Variants in EIF5B observed in about 807,000 individuals in gnomAD.
EIF5B encodes eukaryotic translation initiation factor 5B.
Under a neutral mutation model 147.5 loss-of-function variants are expected in EIF5B, and 47 were observed. The observed-to-expected ratio is 0.32, with a 90% CI of 0.25 to 0.41. EIF5B has a LOEUF of 0.41. Among genes scored for constraint, EIF5B ranks in the 10% least tolerant of loss-of-function variants. The pLI, the probability that EIF5B is intolerant of heterozygous loss-of-function variation, is 1.00. For synonymous variants in EIF5B, 455 were observed against 456.2 expected (o/e 1.00, Z 0.03); for missense variants, 1,064 against 1,413.2 (o/e 0.75, Z 3.96).
chr2:99,385,187 C>G (rs1465388240), intron 14 of EIF5B, among the ~76,000 whole-genome samples: 1 of 152,180 alleles, frequency 6.6e-6, no homozygotes, highest in Non-Finnish European at 1.5e-5. Context: ...GCTGGGATTA[C>G]AGGCATGCGC....
intron 18 of EIF5B, among the ~76,000 whole-genome samples, chr2:99,393,381 C>G (rs1045530090): frequency 1.1e-4 from 16 of 152,074 alleles, no homozygotes; most frequent in Non-Finnish European, 1.8e-4. Context: ...GAATGCACAC[C>G]TGTAGTCCCA....
At position 99,361,315 on chromosome 2, in the gene EIF5B, T is replaced by C. The variant is rs559211004; in HGVS notation, c.414T>C (p.Asp138=). The C allele has an allele frequency of 1.9e-6, 3 of 1,608,302 alleles. No homozygotes were observed. Among genetic ancestry groups the C allele is most frequent in the Non-Finnish European group, 2.5e-6 (3 of 1,178,646 alleles). ...AAGTGGAAATGTACTCTGGGAGTGATGATGATGATGATTTTAACAAACTTC... is the reference window on the plus strand; with the variant it reads ...AAGTGGAAATGTACTCTGGGAGTGACGATGATGATGATTTTAACAAACTTC... ...KPKVEMYSGS[D]DDDDFNKLPK... is the part of the protein sequence containing the mutation. The change falls in exon 4 of 24, where the codon GAT becomes GAC. Residue 138 remains aspartate (D), a synonymous_variant. Coordinates refer to ENST00000289371, the MANE Select transcript of EIF5B (RefSeq NM_015904.4).
rs760758125 is a variant in EIF5B, at chr2:99,394,442, G to A, written c.3012+44G>A. 16 of 1,613,064 alleles carry A rather than the reference G, an allele frequency of 9.9e-6. No individual in the cohort carries two copies. The Middle Eastern group carries it at 6.6e-4, about 66-fold the overall frequency. On this transcript the variant is annotated intron_variant, in intron 19 of 23. Transcript: ENST00000289371. ...CTCCACAAGTGAATGGTGGTTGGTC[G>A]TGGTTTTTGGTGCCATCGCCATTAC...
intron 8 of EIF5B, among the ~76,000 whole-genome samples, chr2:99,370,676 A>G (rs1396869105): frequency 1.3e-5 from 2 of 152,222 alleles, no homozygotes; most frequent in African/African-American, 4.8e-5. Context: ...TTGTTAGTAA[A>G]TAATGATTAT....
rs745533484 is a variant in EIF5B at position 99,382,163 on chromosome 2, A to G, written c.2066A>G (p.Asp689Gly). ...NEQTKMIKNFDRENVRIPGML... is the reference protein window; with the variant it reads ...NEQTKMIKNFGRENVRIPGML... The stretch of plus-strand genomic sequence containing the variant: ...ACTTTTCCCCATTGTTTCTAGTTTG[A>G]TAGAGAGAATGTACGGATTCCAGGA... Residue 689 changes from aspartate to glycine, a missense_variant, in exon 13 of 24, where the codon GAT becomes GGT. Around this residue, in one of 4 missense-constraint regions of EIF5B, gnomAD observed 380 missense variants for 715.6 expected, o/e 0.53. Coordinates refer to ENST00000289371, the MANE Select transcript of EIF5B (RefSeq NM_015904.4). The G allele has an allele frequency of 1.5e-5, 24 of 1,612,460 alleles. No individual in the cohort carries two copies. The highest frequency in any genetic ancestry group is 2.2e-5 in the South Asian group (2 of 90,958).
In EIF5B at chr2:99,364,400, C is replaced by T; in HGVS notation, c.1267C>T (p.Leu423Phe). The T allele has an allele frequency of 6.2e-7, 1 of 1,603,510 alleles. No individual in the cohort carries two copies. The highest frequency in any genetic ancestry group is 2.2e-5 in the East Asian group (1 of 44,816). The part of the protein sequence containing the change: ...REARARAEAT[L>F]KLLQAQGVEV... ...AGCCAGAGCCAGAGCCGAAGCTACT[C>T]TTAAACTGCTACAAGCTCAGGGTGA... The change falls in exon 6 of 24, where the codon CTT (leucine) becomes TTT (phenylalanine). Residue 423 changes from leucine to phenylalanine, a missense_variant. Coordinates refer to ENST00000289371, the MANE Select transcript of EIF5B (RefSeq NM_015904.4).
intron 14 of EIF5B, among the ~76,000 whole-genome samples, chr2:99,385,115 C>T (rs1674773077): frequency 6.6e-6 from 1 of 152,130 alleles, no homozygotes; most frequent in Admixed American, 6.5e-5. Context: ...GCTGCAATCT[C>T]AGCTCACCGC....
rs534431952 is a variant in EIF5B, at chr2:99,356,145, C to T, written c.36-4091C>T. 6.6e-5 allele frequency among the ~76,000 whole-genome samples: 10 copies of T among 152,266 alleles called. No individual in the cohort carries two copies. In the East Asian group the frequency reaches 1.9e-3, roughly 29 times the overall value. On this transcript the variant is annotated intron_variant, in intron 1 of 23. Transcript: ENST00000289371. Reference sequence around the variant, plus strand: ...CTGTTCCAGGGTCCTATACAGGATACCACATTACATTTAGTCAGCATTTAT... The same window carrying T: ...CTGTTCCAGGGTCCTATACAGGATATCACATTACATTTAGTCAGCATTTAT...
chr2:99,377,049 A>G, intron 10 of EIF5B, among the ~76,000 whole-genome samples: 1 of 152,272 alleles, frequency 6.6e-6, no homozygotes, highest in South Asian at 2.1e-4. Context: ...TGAGGCTTCT[A>G]TTTAGTAAAG....
Position 99,346,407 on chromosome 2 carries a change from A to G in EIF5B, c.35+8818A>G, listed in dbSNP as rs532109259. On this transcript the variant is annotated intron_variant, in intron 1 of 23. Coordinates refer to ENST00000289371, the MANE Select transcript of EIF5B (RefSeq NM_015904.4). ...AACTTTTTGTTAAAATTTATTAGTA[A>G]TTATTAGTTTGTTAATATTAATGAT... Among the ~76,000 whole-genome samples the G allele has an allele frequency of 1.8e-4, 28 of 152,174 alleles. No homozygotes were observed. The South Asian group carries it at 4.4e-3, about 24-fold the overall frequency.
intron 1 of EIF5B, among the ~76,000 whole-genome samples, chr2:99,355,896 A>G (rs928282372): frequency 2.6e-5 from 4 of 152,020 alleles, no homozygotes; most frequent in Non-Finnish European, 4.4e-5. Flanking sequence ...TACAGGCGTG[A>G]GGCACTGCAC....
In EIF5B at chr2:99,346,589, CTTTTTTTTT is replaced by C. The variant is rs773411395; in HGVS notation, c.35+9019_35+9027del. Among the ~76,000 whole-genome samples, 178 of 61,676 alleles carry C rather than the reference CTTTTTTTTT, an allele frequency of 2.9e-3. 2 individuals are homozygous for C. The East Asian group carries it at 0.032, about 11-fold the overall frequency. 40.5% of individuals were successfully genotyped at this position (61,676 alleles called of 152,430 possible). A position where few individuals can be genotyped will look rare whatever the true frequency, so the allele number is the denominator to read the frequency against. On this transcript the variant is annotated intron_variant, in intron 1 of 23. Coordinates refer to ENST00000289371, the MANE Select transcript of EIF5B (RefSeq NM_015904.4). ...TTATTTTAGAACATAAGTTGTATCT[CTTTTTTTTT>C]TTTTTTTTTTTTTTTTTTGAGAAGG...
rs1387120032 is a variant in EIF5B, at chr2:99,366,212, C to T, written c.1288+1791C>T. Among the ~76,000 whole-genome samples, 3 of 152,326 alleles carry T rather than the reference C, an allele frequency of 2.0e-5. 1 individual carries two copies. The South Asian group carries it at 6.2e-4, about 32-fold the overall frequency. On this transcript the variant is annotated intron_variant, in intron 6 of 23. Transcript: ENST00000289371. ...GCAAAGTGAATGGAATGTCTAAACA[C>T]ATACAAGTCTTGGTGTTGATTCCAA...
intron 4 of EIF5B, among the ~76,000 whole-genome samples, chr2:99,362,423 G>T (rs937190133): frequency 6.6e-6 from 1 of 152,066 alleles, no homozygotes; most frequent in African/African-American, 2.4e-5. Context: ...GTAGTTTTTG[G>T]GCTGGGCGCG....
At chr2:99,358,087 AT>A (rs1265754217) in intron 1 of EIF5B, among the ~76,000 whole-genome samples, 2 of 151,482 alleles carry the variant, frequency 1.3e-5, no homozygotes, top group African/African-American at 4.9e-5. Context: ...AAATGCTTTT[AT>A]ATATATATAT....
intron 1 of EIF5B, among the ~76,000 whole-genome samples, chr2:99,352,740 G>T (rs1046547763): frequency 2.0e-5 from 3 of 151,824 alleles, no homozygotes; most frequent in Non-Finnish European, 4.4e-5. Flanking sequence ...CTCCCAAAGC[G>T]CTAAGATTAC....
intron 9 of EIF5B, among the ~76,000 whole-genome samples, chr2:99,376,102 C>A (rs1453824106): frequency 6.6e-6 from 1 of 152,070 alleles, no homozygotes; most frequent in East Asian, 1.9e-4. Flanking sequence ...TTCAATGTGG[C>A]CTAGCACAAA....
rs559150377 is a variant in EIF5B, at chr2:99,361,914, A to G, written c.919+94A>G. ...CCCAAGGTCGTTTTGTTATTTGTCCATGGGTATAAAGACACTTGATTGTAA... is the reference window on the plus strand; with the variant it reads ...CCCAAGGTCGTTTTGTTATTTGTCCGTGGGTATAAAGACACTTGATTGTAA... On this transcript the variant is annotated intron_variant, in intron 4 of 23. Coordinates refer to ENST00000289371, the MANE Select transcript of EIF5B (RefSeq NM_015904.4). 3.3e-5 allele frequency: 41 copies of G among 1,237,782 alleles called. No individual in the cohort carries two copies. The Admixed American group carries it at 3.7e-4, about 11-fold the overall frequency. 76.7% of individuals were successfully genotyped at this position (1,237,782 alleles called of 1,614,324 possible). A position where few individuals can be genotyped will look rare whatever the true frequency, so the allele number is the denominator to read the frequency against.
chr2:99,364,313 G>C lies in EIF5B; in HGVS notation c.1180G>C (p.Glu394Gln), dbSNP rs1413789133. The change falls in exon 6 of 24, where the codon GAA (glutamate) becomes CAA (glutamine). Residue 394 changes from glutamate to glutamine, a missense_variant. Physicochemically the swap from Glu to Gln is conservative, Grantham distance 29. Coordinates refer to ENST00000289371, the MANE Select transcript of EIF5B (RefSeq NM_015904.4). ...QEKRERKKQKEKERKERLKKE... is the reference protein window; with the variant it reads ...QEKRERKKQKQKERKERLKKE... ...AAAAAGAGAAAGGAAAAAGCAAAAA[G>C]AAAAAGAAAGAAAAGAACGCTTGAA... 6.2e-7 allele frequency: 1 copy of C among 1,605,276 alleles called. No homozygotes were observed. Among genetic ancestry groups the C allele is most frequent in the Non-Finnish European group, 8.5e-7 (1 of 1,177,426 alleles).
Sources: allele counts gnomAD v4.1 joint callset (sites outside exome capture counted in the v4.1 genomes callset), GRCh38; gene constraint gnomAD v4.1.1; regional missense constraint gnomAD v4.1.1; transcripts MANE v1.5; gene names NCBI Gene and HGNC (gene_info 2026-07-23, HGNC 2026-07-21).